TTLL11: variants seen among roughly 807,000 people sequenced by gnomAD.
The protein encoded by TTLL11 is tubulin polyglutamylase TTLL11.
In TTLL11, 42 loss-of-function variants were observed where a neutral mutation model predicts 51.7. That is an observed-to-expected ratio of 0.81 (90% CI 0.64 to 1.05). The LOEUF (loss-of-function observed/expected upper bound fraction) is 1.05. Among genes scored for constraint, TTLL11 ranks in the 50% least tolerant of loss-of-function variants. The pLI is 0.00. For missense variants in TTLL11, 799 were observed against 940.4 expected (o/e 0.85, Z 1.97); for synonymous variants, 381 against 383.5 (o/e 0.99, Z 0.08).
At chr9:121,834,566 C>T (rs1400478006) in intron 8 of TTLL11, among the ~76,000 whole-genome samples, 3 of 151,450 alleles carry the variant, frequency 2.0e-5, no homozygotes, top group East Asian at 2.0e-4. Flanking sequence ...CGGTGGCTCA[C>T]GCCTGTAATC....
At chr9:121,877,374 G>A (rs886390089) in intron 6 of TTLL11, among the ~76,000 whole-genome samples, 4 of 152,144 alleles carry the variant, frequency 2.6e-5, no homozygotes, top group South Asian at 2.1e-4. Context: ...TTTGCCTGAC[G>A]GGTGATGCTA....
intron 3 of TTLL11, among the ~76,000 whole-genome samples, chr9:121,994,204 C>A (rs1397419390): frequency 6.6e-6 from 1 of 151,106 alleles, no homozygotes; most frequent in Non-Finnish European, 1.5e-5. Flanking sequence ...AAGGAAGGAC[C>A]TGGGCAGATG....
chr9:121,842,034 G>A (rs1435501063), intron 8 of TTLL11, among the ~76,000 whole-genome samples: 7 of 152,018 alleles, frequency 4.6e-5, no homozygotes, highest in African/African-American at 1.4e-4. Context: ...CCTCTCAGGG[G>A]GCAAAGGACA....
rs55967484 is a variant in TTLL11 at position 121,917,811 on chromosome 9, G to T, written c.1482-47063C>A. 6.6e-3 allele frequency among the ~76,000 whole-genome samples: 1,007 copies of T among 152,190 alleles called. 12 individuals carry two copies. The highest frequency in any genetic ancestry group is 0.023 in the African/African-American group (962 of 41,498). The stretch of plus-strand genomic sequence containing the variant: ...TTTAAATTCTTACATTGCTCCATAG[G>T]AAATAAATTGCACTTAAAAATCCAC... On this transcript the variant is annotated intron_variant, in intron 6 of 8. Transcript: ENST00000321582.
intron 1 of TTLL11, among the ~76,000 whole-genome samples, chr9:122,083,168 G>C (rs1446863385): frequency 6.6e-6 from 1 of 152,064 alleles, no homozygotes; most frequent in Non-Finnish European, 1.5e-5. Context: ...CTCATGGTGG[G>C]ACTGCGCATC....
intron 7 of TTLL11, among the ~76,000 whole-genome samples, chr9:121,864,948 A>C (rs938885350): frequency 6.6e-6 from 1 of 152,206 alleles, no homozygotes; most frequent in Non-Finnish European, 1.5e-5. Context: ...TGCAGAAAAG[A>C]AGCTTTTTTT....
intron 6 of TTLL11, among the ~76,000 whole-genome samples, chr9:121,881,928 C>T (rs570012194): frequency 2.6e-5 from 4 of 152,254 alleles, no homozygotes; most frequent in South Asian, 4.1e-4. Flanking sequence ...TGGAATCCTG[C>T]CCCTGTTCCC....
In TTLL11 at chr9:122,000,607, C is replaced by T. The variant is rs184735881; in HGVS notation, c.694-10837G>A. On this transcript the variant is annotated intron_variant, in intron 3 of 8. Transcript: ENST00000321582. Reference sequence around the variant, plus strand: ...ATCCTCACTGCTACACTCCCACCAGCGCCATGACAGTTTACAAATGGCATG... The same window carrying T: ...ATCCTCACTGCTACACTCCCACCAGTGCCATGACAGTTTACAAATGGCATG... 7.2e-5 allele frequency among the ~76,000 whole-genome samples: 11 copies of T among 152,168 alleles called. No homozygotes were observed. In the East Asian group the frequency reaches 9.7e-4, roughly 13 times the overall value.
intron 6 of TTLL11, among the ~76,000 whole-genome samples, chr9:121,930,969 C>T (rs778186067): frequency 1.3e-5 from 2 of 152,216 alleles, no homozygotes; most frequent in Admixed American, 6.5e-5. Flanking sequence ...TGGCTGTACA[C>T]AGTGAGGAGA....
At chr9:122,060,099 A>G (rs1016897667) in intron 1 of TTLL11, among the ~76,000 whole-genome samples, 2 of 152,228 alleles carry the variant, frequency 1.3e-5, no homozygotes, top group African/African-American at 4.8e-5. Context: ...CCCCAGGGAT[A>G]TCTCCCTTTT....
At chr9:121,826,555 GTGTA>G (rs1422704248) in intron 8 of TTLL11, among the ~76,000 whole-genome samples, 13 of 48,090 alleles carry the variant, frequency 2.7e-4, no homozygotes, top group African/African-American at 1.2e-3. Flanking sequence ...ATATATGTGT[GTGTA>G]TATATATATA....
At chr9:121,950,415 A>T (rs1301937213) in intron 6 of TTLL11, among the ~76,000 whole-genome samples, 1 of 151,990 alleles carries the variant, frequency 6.6e-6, no homozygotes, top group African/African-American at 2.4e-5. Context: ...TATTAAATTA[A>T]CCCCTGTCCC....
At chr9:121,886,592 G>T (rs924957547) in intron 6 of TTLL11, among the ~76,000 whole-genome samples, 6 of 152,164 alleles carry the variant, frequency 3.9e-5, no homozygotes, top group Non-Finnish European at 5.9e-5. Context: ...TCAGACTTCT[G>T]GCCTCCAGCA....
chr9:122,077,980 A>T (rs1332269759), intron 1 of TTLL11, among the ~76,000 whole-genome samples: 1 of 152,176 alleles, frequency 6.6e-6, no homozygotes, highest in African/African-American at 2.4e-5. Context: ...ACAAATCTAA[A>T]TAACCCATGG....
intron 1 of TTLL11, among the ~76,000 whole-genome samples, chr9:122,088,806 G>A (rs1381912681): frequency 6.6e-6 from 1 of 152,056 alleles, no homozygotes; most frequent in Non-Finnish European, 1.5e-5. Context: ...AGGAGTTCAA[G>A]ACCAGTCTGG....
intron 3 of TTLL11, among the ~76,000 whole-genome samples, chr9:122,027,572 T>C (rs1844386091): frequency 6.6e-6 from 1 of 152,250 alleles, no homozygotes; most frequent in Admixed American, 6.5e-5. Context: ...GTGTAAGATG[T>C]TAACATTAGA....
intron 6 of TTLL11, among the ~76,000 whole-genome samples, chr9:121,883,536 T>C (rs1812084866): frequency 1.3e-5 from 2 of 152,188 alleles, no homozygotes; most frequent in South Asian, 4.1e-4. Flanking sequence ...CAAGATTAGA[T>C]TTTTTAAAGA....
intron 6 of TTLL11, among the ~76,000 whole-genome samples, chr9:121,929,569 C>T (rs1243015369): frequency 6.6e-5 from 10 of 151,890 alleles, no homozygotes; most frequent in Admixed American, 4.6e-4. Context: ...TAGACACAAA[C>T]GGAGCATGCT....
Position 121,895,308 on chromosome 9 carries a change from GTGTA to G in TTLL11, c.1482-24564_1482-24561del, listed in dbSNP as rs757051177. ...TGTGTGTGTTTGTGTAGCTGTGTTT[GTGTA>G]TGTGAGTGTGTGCACAGAGTTGTGT... is the stretch of plus-strand genomic sequence containing the variant. On this transcript the variant is annotated intron_variant, in intron 6 of 8. Transcript: ENST00000321582. 2.7e-3 allele frequency among the ~76,000 whole-genome samples: 403 copies of G among 151,970 alleles called. 2 individuals are homozygous for G. The highest frequency in any genetic ancestry group is 9.5e-3 in the African/African-American group (395 of 41,478).
Sources: gnomAD v4.1 joint callset for allele counts (sites outside exome capture counted in the v4.1 genomes callset) on GRCh38, gnomAD v4.1.1 for gene constraint, MANE v1.5 for transcripts, NCBI Gene and HGNC (gene_info 2026-07-23, HGNC 2026-07-21) for gene names.